Variants in KRT28 observed in about 807,000 individuals in gnomAD.
KRT28 encodes keratin 28.
Under a neutral mutation model 48.1 loss-of-function variants are expected in KRT28, and 45 were observed. The observed-to-expected ratio is 0.94, with a 90% CI of 0.74 to 1.20. The LOEUF is 1.20. KRT28 is among the 50% of genes most tolerant of loss of function. KRT28 has a pLI of 0.00. For synonymous variants in KRT28, 228 were observed against 227.4 expected, an observed-to-expected ratio of 1.00 and a Z score of -0.03; for missense variants, 571 against 574.1, an observed-to-expected ratio of 0.99 and a Z score of 0.06.
At chr17:40,796,489 G>C (rs1042052796) in intron 5 of KRT28, among the ~76,000 whole-genome samples, 4 of 152,154 alleles carry the variant, frequency 2.6e-5, no homozygotes, top group African/African-American at 4.8e-5. Flanking sequence ...ACCACATGTG[G>C]CTTCTAATAT....
Position 40,796,962 on chromosome 17 carries a change from C to T in KRT28, c.932G>A (p.Arg311His). 6.2e-7 allele frequency: 1 copy of T among 1,612,520 alleles called. No homozygotes were observed. The highest frequency in any genetic ancestry group is 8.5e-7 in the Non-Finnish European group (1 of 1,179,646). The stretch of plus-strand genomic sequence containing the variant: ...CTGGATCTCCAGGGTCTGCAGGGTG[C>T]GCCTCATCTCGGTGAGCTGGCTCCG... ...FARSQLTEMR[R>H]TLQTLEIQLQ... The change falls in exon 5 of 8, where the codon CGC (arginine) becomes CAC (histidine). Residue 311 changes from arginine to histidine, a missense_variant. Transcript: ENST00000306658.
chr17:40,798,820 G>A, intron 2 of KRT28, 97 bp downstream of exon 2: 2 of 758,922 alleles, frequency 2.6e-6, no homozygotes, highest in South Asian at 1.7e-5. Context: ...TCTTTTAGGT[G>A]ATAGTTCATT....
rs758294576 is a variant in KRT28 at position 40,796,929 on chromosome 17, G to T, written c.965C>A (p.Ser322Tyr). 2 of 1,604,586 alleles carry T rather than the reference G, an allele frequency of 1.2e-6. No homozygotes were observed. Among genetic ancestry groups the T allele is most frequent in the Non-Finnish European group, 8.5e-7 (1 of 1,176,298 alleles). The change falls in exon 5 of 8, where the codon TCC becomes TAC. Residue 322 changes from serine (S) to tyrosine (Y), a missense_variant. Coordinates refer to ENST00000306658, the MANE Select transcript of KRT28 (RefSeq NM_181535.3). ...TLQTLEIQLQ[S>Y]LMATKHSLEC... ...GCTGTCACCTACCGTGGCCATCAGG[G>T]ACTGCAGCTGGATCTCCAGGGTCTG... is the stretch of plus-strand genomic sequence containing the variant.
rs144664854 is a variant in KRT28 at position 40,793,932 on chromosome 17, C to T, written c.1093G>A (p.Glu365Lys). The T allele has an allele frequency of 2.2e-4, 356 of 1,613,944 alleles. No homozygotes were observed. The Middle Eastern group carries it at 3.5e-3, about 16-fold the overall frequency. The change falls in exon 6 of 8, where the codon GAG (glutamate) becomes AAG (lysine). Residue 365 changes from glutamate (E) to lysine (K), a missense_variant. Physicochemically the swap from Glu to Lys is moderately conservative, Grantham distance 56. Coordinates refer to ENST00000306658, the MANE Select transcript of KRT28 (RefSeq NM_181535.3). ...LEEQLHQVRT[E>K]TEGQKLEYEH... is the part of the protein sequence containing the mutation. ...TACTCCAGCTTCTGGCCCTCGGTCT[C>T]GGTTCTGACCTGGTGCAGCTGCTCC... is the stretch of plus-strand genomic sequence containing the variant.
At chr17:40,793,777 C>T (rs138870972) in intron 6 of KRT28, 52 bp downstream of exon 6, 1 of 1,574,594 alleles carries the variant, frequency 6.4e-7, no homozygotes, top group Non-Finnish European at 8.7e-7. Context: ...GGGCAGCCCA[C>T]ATTTGTAGCT....
In KRT28 at chr17:40,799,484, T is replaced by C. The variant is rs770607034; in HGVS notation, c.410A>G (p.Tyr137Cys). 3.7e-6 allele frequency: 6 copies of C among 1,613,970 alleles called. No homozygotes were observed. The highest frequency in any genetic ancestry group is 2.2e-5 in the East Asian group (1 of 44,880). ...PGSCRGLDHD[Y>C]SRYHLTIEDL... Reference sequence around the variant, plus strand: ...CTCAATTGTTAGGTGATATCTGCTATAGTCATGATCAAGTCCACGGCAAGA... The same window carrying C: ...CTCAATTGTTAGGTGATATCTGCTACAGTCATGATCAAGTCCACGGCAAGA... The change falls in exon 1 of 8, where the codon TAT becomes TGT. Residue 137 changes from tyrosine (Y) to cysteine (C), a missense_variant. Tyr to Cys is a radical substitution (Grantham distance 194). Coordinates refer to ENST00000306658, the MANE Select transcript of KRT28 (RefSeq NM_181535.3).
rs1904628438 is a variant in KRT28 at position 40,797,052 on chromosome 17, G to A, written c.853-11C>T. 6.2e-7 allele frequency: 1 copy of A among 1,609,594 alleles called. No individual in the cohort carries two copies. Among genetic ancestry groups the A allele is most frequent in the Non-Finnish European group, 8.5e-7 (1 of 1,177,598 alleles). ...CTGCAGCGAGGCGCTCTGTAGGGCC[G>A]GGAAAAAGGGTCACACGGAGTCCCC... On this transcript the variant is annotated splice_polypyrimidine_tract_variant and intron_variant, in intron 4 of 7. Transcript: ENST00000306658.
At chr17:40,796,325 C>T (rs1449348567) in intron 5 of KRT28, among the ~76,000 whole-genome samples, 1 of 152,210 alleles carries the variant, frequency 6.6e-6, no homozygotes, top group Non-Finnish European at 1.5e-5. Flanking sequence ...TTGAAGTAAG[C>T]CAGGAGCTGG....
At chr17:40,793,297 T>A in intron 6 of KRT28, 87 bp from the exon 7 acceptor site, 1 of 829,372 alleles carries the variant, frequency 1.2e-6, no homozygotes, top group Non-Finnish European at 1.8e-6. Context: ...GAAATTTGTA[T>A]GCCAAAAACA....
rs1904558731 is a variant in KRT28, at chr17:40,794,192, G to A, written c.979-146C>T. 11 of 1,002,730 alleles carry A rather than the reference G, an allele frequency of 1.1e-5. No homozygotes were observed. The East Asian group carries it at 2.3e-4, about 21-fold the overall frequency. 62.1% of individuals were successfully genotyped at this position (1,002,730 alleles called of 1,614,324 possible). ...CACAATCAAATGGGAAAGAAAGGAG[G>A]CTGGCATTTATGAAGTGAGGGCCAG... On this transcript the variant is annotated intron_variant, in intron 5 of 7. Transcript: ENST00000306658.
intron 5 of KRT28, among the ~76,000 whole-genome samples, 195 bp downstream of exon 5, chr17:40,796,721 C>T (rs1309184091): frequency 6.6e-6 from 1 of 152,184 alleles, no homozygotes; most frequent in Non-Finnish European, 1.5e-5. Flanking sequence ...AGGAAACTCC[C>T]AGTGATGTCA....
At chr17:40,796,363 G>A (rs1297036980) in intron 5 of KRT28, among the ~76,000 whole-genome samples, 1 of 152,232 alleles carries the variant, frequency 6.6e-6, no homozygotes, top group African/African-American at 2.4e-5. Context: ...TGAAGGCCTG[G>A]CTCCCAGGTG....
rs750260049 is a variant in KRT28, at chr17:40,798,399, G to A, written c.534-8C>T. 4.4e-6 allele frequency: 7 copies of A among 1,590,380 alleles called. No individual in the cohort carries two copies. In the South Asian group the frequency reaches 7.7e-5, roughly 18 times the overall value. On this transcript the variant is annotated splice_region_variant and splice_polypyrimidine_tract_variant and intron_variant, in intron 2 of 7. Coordinates refer to ENST00000306658, the MANE Select transcript of KRT28 (RefSeq NM_181535.3). ...GTGAGCTCATTTTCATACCTTGGGG[G>A]GCATTTAAGTGAATTTCAGTGCCAG...
At chr17:40,798,038 C>A (rs991630085) in intron 3 of KRT28, among the ~76,000 whole-genome samples, 197 bp downstream of exon 3, 2 of 152,134 alleles carry the variant, frequency 1.3e-5, no homozygotes, top group Admixed American at 6.5e-5. Context: ...CTGTTCTGAG[C>A]GTGTGATATG....
chr17:40,792,598 T>A, intron 7 of KRT28, 29 bp from the exon 8 acceptor site: 1 of 1,556,788 alleles, frequency 6.4e-7, no homozygotes, highest in Admixed American at 1.9e-5. Context: ...CATACATATA[T>A]TCAACCAAAA....
At position 40,798,273 on chromosome 17, in the gene KRT28, T is replaced by C; in HGVS notation, c.652A>G (p.Ser218Gly). 6.2e-7 allele frequency: 1 copy of C among 1,612,536 alleles called. No homozygotes were observed. Among genetic ancestry groups the C allele is most frequent in the Non-Finnish European group, 8.5e-7 (1 of 1,178,614 alleles). ...TDQELQYESLSEEMTYLKKNH... is the reference protein window; with the variant it reads ...TDQELQYESLGEEMTYLKKNH... ...TTTTTGAGATATGTCATCTCCTCAC[T>C]CAGAGACTCATATTGCAGCTCCTGG... Residue 218 changes from serine to glycine, a missense_variant, in exon 3 of 8, where the codon AGT (serine) becomes GGT (glycine). Coordinates refer to ENST00000306658, the MANE Select transcript of KRT28 (RefSeq NM_181535.3).
Position 40,799,425 on chromosome 17 carries a change from C to T in KRT28, c.450+19G>A. On this transcript the variant is annotated intron_variant, in intron 1 of 7. Coordinates refer to ENST00000306658, the MANE Select transcript of KRT28 (RefSeq NM_181535.3). ...TAGTTTTAAATACTTGGGTTAGTTC[C>T]AAATCTGTGATTTCTCACCTTATTC... 1 of 1,574,862 alleles carries T rather than the reference C, an allele frequency of 6.3e-7. No homozygotes were observed. Among genetic ancestry groups the T allele is most frequent in the South Asian group, 1.2e-5 (1 of 86,140 alleles).
In KRT28 at chr17:40,795,983, G is replaced by A. The variant is rs181884576; in HGVS notation, c.978+933C>T. Among the ~76,000 whole-genome samples, 365 of 152,282 alleles carry A rather than the reference G, an allele frequency of 2.4e-3. 4 individuals carry two copies. The highest frequency in any genetic ancestry group is 8.2e-3 in the African/African-American group (339 of 41,556). The stretch of plus-strand genomic sequence containing the variant: ...AGGAGAAGAGGGCCATCCTGGTTAA[G>A]TTAGGGGCCAGTCAGTGTAAAAACA... On this transcript the variant is annotated intron_variant, in intron 5 of 7. Coordinates refer to ENST00000306658, the MANE Select transcript of KRT28 (RefSeq NM_181535.3).
chr17:40,796,772 G>A, intron 5 of KRT28, 144 bp downstream of exon 5: 1 of 1,130,368 alleles, frequency 8.8e-7, no homozygotes, highest in Non-Finnish European at 1.2e-6. Flanking sequence ...CTATGCATCT[G>A]TTTTTTCCTG....
Sources: allele counts gnomAD v4.1 joint callset (sites outside exome capture counted in the v4.1 genomes callset), GRCh38; gene constraint gnomAD v4.1.1; transcripts MANE v1.5; gene names NCBI Gene and HGNC (gene_info 2026-07-23, HGNC 2026-07-21).